The following PADI4 variants were observed in gnomAD, a reference collection of about 807,000 sequenced individuals.
PADI4 encodes peptidyl arginine deiminase 4.
Under a neutral mutation model 75.0 loss-of-function variants are expected in PADI4, and 62 were observed. The observed-to-expected ratio is 0.83, with a 90% CI of 0.67 to 1.02. The LOEUF (loss-of-function observed/expected upper bound fraction) is 1.02. Among genes scored for constraint, PADI4 ranks in the 50% least tolerant of loss-of-function variants. The probability of loss-of-function intolerance (pLI) is 0.00; values close to 1 mark genes in which losing one functional copy is unlikely to be tolerated. For missense variants in PADI4, 845 were observed against 850.5 expected (o/e 0.99, Z 0.08); for synonymous variants, 361 against 348.1 (o/e 1.04, Z -0.41).
intron 10 of PADI4, among the ~76,000 whole-genome samples, chr1:17,352,243 T>G (rs1266544251): frequency 6.7e-5 from 9 of 135,154 alleles, no homozygotes; most frequent in African/African-American, 2.3e-4. Context: ...TGGGAGGTGG[T>G]AGCAGAGGTG....
chr1:17,334,071 A>AG, intron 3 of PADI4, 62 bp downstream of exon 3: 3 of 1,043,330 alleles, frequency 2.9e-6, no homozygotes, highest in Non-Finnish European at 4.5e-6. Flanking sequence ...TAATCCCTGC[A>AG]GGATGTCTCT....
chr1:17,355,984 A>G lies in PADI4; in HGVS notation c.1312A>G (p.Asn438Asp), dbSNP rs368065925. The change falls in exon 12 of 16, where the codon AAT (asparagine) becomes GAT (aspartate). Residue 438 changes from asparagine (N) to aspartate (D), a missense_variant and splice_region_variant. Coordinates refer to ENST00000375448, the MANE Select transcript of PADI4 (RefSeq NM_012387.3). ...ILFGDSCYPS[N>D]DSRQMHQALQ... Reference sequence around the variant, plus strand: ...ACCCCTTTAACCCTGCCATGACAGCAATGACAGCCGGCAGATGCACCAGGC... The same window carrying G: ...ACCCCTTTAACCCTGCCATGACAGCGATGACAGCCGGCAGATGCACCAGGC... 6.2e-7 allele frequency: 1 copy of G among 1,614,178 alleles called. No individual in the cohort carries two copies. Among genetic ancestry groups the G allele is most frequent in the African/African-American group, 1.3e-5 (1 of 75,062 alleles).
chr1:17,339,119 G>A (rs182709093), intron 5 of PADI4, among the ~76,000 whole-genome samples: 66 of 152,250 alleles, frequency 4.3e-4, no homozygotes, highest in Middle Eastern at 3.4e-3. Flanking sequence ...GCTGAAATCC[G>A]TTTCCTAAGC....
At chr1:17,351,952 T>G (rs1391700210) in intron 10 of PADI4, among the ~76,000 whole-genome samples, 7 of 105,850 alleles carry the variant, frequency 6.6e-5, no homozygotes, top group South Asian at 3.0e-4. Flanking sequence ...TGATGGGAGG[T>G]GGGAGGAGAG....
At chr1:17,340,673 G>A (rs925065995) in intron 6 of PADI4, among the ~76,000 whole-genome samples, 14 of 151,746 alleles carry the variant, frequency 9.2e-5, no homozygotes, top group Non-Finnish European at 1.8e-4. Flanking sequence ...TCAGGTAGGC[G>A]TATATTGACT....
chr1:17,358,971 C>A (rs34481461), intron 14 of PADI4, 63 bp downstream of exon 14: 187,412 of 1,138,122 alleles, frequency 0.16, 17,041 homozygotes, highest in Middle Eastern at 0.28. Context: ...CAGCCACTTT[C>A]CCAGTGATTA....
At chr1:17,309,771 G>A (rs1488074991) in intron 1 of PADI4, among the ~76,000 whole-genome samples, 2 of 152,240 alleles carry the variant, frequency 1.3e-5, no homozygotes, top group Non-Finnish European at 2.9e-5. Flanking sequence ...GGAGGCAGGA[G>A]ACCAAGAAGT....
intron 10 of PADI4, among the ~76,000 whole-genome samples, chr1:17,351,290 G>T (rs985366471): frequency 6.6e-5 from 10 of 151,052 alleles, no homozygotes; most frequent in African/African-American, 9.7e-5. Context: ...AGGGAAGGTG[G>T]ATTAGGTTAC....
At chr1:17,309,977 G>A (rs754337463) in intron 1 of PADI4, among the ~76,000 whole-genome samples, 4 of 152,102 alleles carry the variant, frequency 2.6e-5, no homozygotes, top group South Asian at 2.1e-4. Context: ...TAGAGAGGTG[G>A]GTGGACAGCT....
chr1:17,317,212 C>T (rs1165998190), intron 1 of PADI4, among the ~76,000 whole-genome samples: 2 of 152,100 alleles, frequency 1.3e-5, no homozygotes, highest in Non-Finnish European at 2.9e-5. Context: ...AGGCATGAGC[C>T]ACCATGCCTG....
intron 10 of PADI4, among the ~76,000 whole-genome samples, chr1:17,353,972 G>T (rs1384787173): frequency 6.6e-6 from 1 of 152,118 alleles, no homozygotes. Context: ...GGGCGTGGGG[G>T]CTCATGCCTG....
intron 1 of PADI4, among the ~76,000 whole-genome samples, chr1:17,312,075 C>T (rs1010526170): frequency 3.3e-5 from 5 of 152,120 alleles, no homozygotes; most frequent in African/African-American, 9.7e-5. Context: ...AGGTTAAGGA[C>T]GTGCCCAGGA....
Position 17,356,460 on chromosome 1 carries a change from G to A in PADI4, c.1558+1G>A, listed in dbSNP as rs759708669. 2 of 1,580,554 alleles carry A rather than the reference G, an allele frequency of 1.3e-6. No homozygotes were observed. The highest frequency in any genetic ancestry group is 2.2e-5 in the East Asian group (1 of 44,706). ...GCCCTGCTGTTCGAAGGGATCAAGAGTAAGTCGGCCCTGCCTTGTTCTCCT... is the reference window on the plus strand; with the variant it reads ...GCCCTGCTGTTCGAAGGGATCAAGAATAAGTCGGCCCTGCCTTGTTCTCCT... On this transcript the variant is annotated splice_donor_variant, in intron 13 of 15. Transcript: ENST00000375448. LOFTEE classifies it high-confidence loss of function. The surrounding 1 kb of genome is among the most constrained non-coding windows in gnomAD (Gnocchi z 4.1).
chr1:17,310,913 A>G (rs1188998617), intron 1 of PADI4, among the ~76,000 whole-genome samples: 1 of 152,140 alleles, frequency 6.6e-6, no homozygotes, highest in Non-Finnish European at 1.5e-5. Flanking sequence ...CCTGGCTAAC[A>G]TGGTGAAACG....
intron 1 of PADI4, among the ~76,000 whole-genome samples, chr1:17,314,157 G>A (rs1436668821): frequency 6.6e-6 from 1 of 152,082 alleles, no homozygotes; most frequent in Non-Finnish European, 1.5e-5. Context: ...CTAGCCCCTC[G>A]GTCCACCTGC....
At chr1:17,313,444 T>C (rs1159680399) in intron 1 of PADI4, among the ~76,000 whole-genome samples, 1 of 123,910 alleles carries the variant, frequency 8.1e-6, no homozygotes, top group Non-Finnish European at 1.6e-5. Flanking sequence ...GAGGCTGCAG[T>C]GAGCCAAGAT....
At chr1:17,348,349 C>G (rs2074557388) in intron 10 of PADI4, 1 of 246,968 alleles carries the variant, frequency 4.0e-6, no homozygotes, top group African/African-American at 2.2e-5. Flanking sequence ...GAAGCTCTTG[C>G]TGCAAGGTGG....
At chr1:17,357,765 T>C (rs1342505113) in intron 13 of PADI4, among the ~76,000 whole-genome samples, 1 of 151,424 alleles carries the variant, frequency 6.6e-6, no homozygotes, top group Non-Finnish European at 1.5e-5. Context: ...ACCCCGTCTC[T>C]ACTAAAAATA....
At chr1:17,357,800 G>A (rs548449806) in intron 13 of PADI4, among the ~76,000 whole-genome samples, 193 of 151,708 alleles carry the variant, frequency 1.3e-3, no homozygotes, top group African/African-American at 4.5e-3. Flanking sequence ...GCGTGGTGGC[G>A]GGTGCCTGTA....
Sources: gnomAD v4.1 joint callset for allele counts (sites outside exome capture counted in the v4.1 genomes callset) on GRCh38, gnomAD v4.1.1 for gene constraint, Gnocchi (gnomAD v3.1) non-coding constraint, MANE v1.5 for transcripts, NCBI Gene and HGNC (gene_info 2026-07-23, HGNC 2026-07-21) for gene names.